CACNA2D1: variants seen among roughly 807,000 people sequenced by gnomAD.
CACNA2D1 encodes the protein voltage-dependent calcium channel subunit alpha-2/delta-1.
A neutral mutation model predicts 171.5 loss-of-function variants in CACNA2D1; 53 were observed. That is an observed-to-expected ratio of 0.31 (90% CI 0.25 to 0.39). The LOEUF (loss-of-function observed/expected upper bound fraction) is 0.39. CACNA2D1 is among the 10% of genes least tolerant of loss of function. The pLI, the probability that CACNA2D1 is intolerant of heterozygous loss-of-function variation, is 1.00. For synonymous variants in CACNA2D1, 442 were observed against 443.1 expected, an observed-to-expected ratio of 1.00 and a Z score of 0.03; for missense variants, 903 against 1,299.8, an observed-to-expected ratio of 0.69 and a Z score of 4.69.
At chr7:82,407,657 GAGAA>G (rs1470681091) in intron 1 of CACNA2D1, among the ~76,000 whole-genome samples, 2 of 152,088 alleles carry the variant, frequency 1.3e-5, no homozygotes, top group Non-Finnish European at 2.9e-5. Flanking sequence ...ATTTAGGTGG[GAGAA>G]AGATAAATAA....
intron 12 of CACNA2D1, among the ~76,000 whole-genome samples, chr7:82,019,490 A>C (rs1451052328): frequency 6.6e-6 from 1 of 152,162 alleles, no homozygotes; most frequent in Non-Finnish European, 1.5e-5. Context: ...ATTTGAGAAG[A>C]CTTTTAAGTA....
At chr7:82,406,238 C>T (rs545550387) in intron 1 of CACNA2D1, among the ~76,000 whole-genome samples, 1 of 152,290 alleles carries the variant, frequency 6.6e-6, no homozygotes, top group African/African-American at 2.4e-5. Context: ...TTTTTTATGG[C>T]TGCATAGTAT....
chr7:82,428,027 T>C (rs1028914229), intron 1 of CACNA2D1, among the ~76,000 whole-genome samples: 4 of 151,616 alleles, frequency 2.6e-5, no homozygotes, highest in Non-Finnish European at 5.9e-5. Context: ...CAAGACTCCG[T>C]CTCTCCAAAA....
At chr7:81,951,383 C>G (rs1016166167) in intron 38 of CACNA2D1, among the ~76,000 whole-genome samples, 2 of 151,922 alleles carry the variant, frequency 1.3e-5, no homozygotes, top group Non-Finnish European at 2.9e-5. Context: ...TTTTGGGGAA[C>G]AGGTGGTTTT....
intron 3 of CACNA2D1, among the ~76,000 whole-genome samples, chr7:82,220,710 T>C (rs774746277): frequency 5.3e-5 from 8 of 151,912 alleles, no homozygotes; most frequent in Non-Finnish European, 1.0e-4. Flanking sequence ...CCATTGCAGA[T>C]AGTGCTGGAA....
At chr7:82,309,508 G>A (rs1022601383) in intron 3 of CACNA2D1, among the ~76,000 whole-genome samples, 2 of 151,974 alleles carry the variant, frequency 1.3e-5, no homozygotes, top group Non-Finnish European at 2.9e-5. Context: ...GTAATTTAAG[G>A]TGTCTGAGCT....
intron 6 of CACNA2D1, among the ~76,000 whole-genome samples, chr7:82,106,896 C>T (rs767443440): frequency 2.0e-5 from 3 of 152,110 alleles, no homozygotes; most frequent in Admixed American, 1.3e-4. Flanking sequence ...AGATAGAAAA[C>T]ATGGGTTCAA....
chr7:82,025,590 C>A (rs1414916498), intron 12 of CACNA2D1, among the ~76,000 whole-genome samples: 1 of 151,610 alleles, frequency 6.6e-6, no homozygotes, highest in Non-Finnish European at 1.5e-5. Context: ...ATCATGTCAT[C>A]TGCAAAAGGA....
chr7:82,038,166 C>G lies in CACNA2D1; in HGVS notation c.949G>C (p.Val317Leu), dbSNP rs1390422209. ...LVQANVRNKK[V>L]LKDAVNNITA... Reference sequence around the variant, plus strand: ...ATATTATTCACCGCGTCTTTCAACACTTTTTTATTTCTTACATTTGCTTGG... The same window carrying G: ...ATATTATTCACCGCGTCTTTCAACAGTTTTTTATTTCTTACATTTGCTTGG... The change falls in exon 11 of 39, where the codon GTG (valine) becomes CTG (leucine). Residue 317 changes from valine to leucine, a missense_variant. Coordinates refer to ENST00000356860, the MANE Select transcript of CACNA2D1 (RefSeq NM_000722.4). 3 of 1,613,610 alleles carry G rather than the reference C, an allele frequency of 1.9e-6. No homozygotes were observed. Among genetic ancestry groups the G allele is most frequent in the Non-Finnish European group, 2.5e-6 (3 of 1,179,792 alleles).
intron 1 of CACNA2D1, among the ~76,000 whole-genome samples, chr7:82,411,817 G>T (rs1444457951): frequency 2.0e-5 from 3 of 149,958 alleles, no homozygotes; most frequent in Non-Finnish European, 4.4e-5. Context: ...TTGCTGAGAA[G>T]TAAAAAAAAA....
chr7:82,075,536 A>C (rs1218700847), intron 7 of CACNA2D1, among the ~76,000 whole-genome samples: 1 of 152,198 alleles, frequency 6.6e-6, no homozygotes, highest in East Asian at 1.9e-4. Flanking sequence ...CAAAAACGTG[A>C]AGTCTGACAG....
At chr7:81,988,518 A>T (rs2299159) in intron 21 of CACNA2D1, among the ~76,000 whole-genome samples, 26,953 of 152,056 alleles carry the variant, frequency 0.18, 2,603 homozygotes, top group African/African-American at 0.25. Context: ...AGGCTCCCAT[A>T]AAAGCTTATG....
At chr7:82,131,714 T>G (rs978771416) in intron 5 of CACNA2D1, among the ~76,000 whole-genome samples, 2 of 152,136 alleles carry the variant, frequency 1.3e-5, no homozygotes, top group African/African-American at 4.8e-5. Context: ...AAATTTTTAA[T>G]GAAGAATATG....
chr7:82,131,557 C>T (rs905318416), intron 5 of CACNA2D1, among the ~76,000 whole-genome samples: 5 of 152,136 alleles, frequency 3.3e-5, no homozygotes, highest in African/African-American at 9.7e-5. Flanking sequence ...CAACAGCCCT[C>T]GGATATTAAT....
intron 4 of CACNA2D1, among the ~76,000 whole-genome samples, chr7:82,150,909 T>C (rs1431967701): frequency 1.3e-5 from 2 of 152,148 alleles, no homozygotes; most frequent in African/African-American, 4.8e-5. Flanking sequence ...GAATAATATA[T>C]AATTGCTTGG....
At position 81,974,478 on chromosome 7, in the gene CACNA2D1, C is replaced by T. The variant is rs1479407180; in HGVS notation, c.2030G>A (p.Arg677Lys). ...FLLNFNEFID[R>K]KTPNNPSCNA... ...ACATGATGGGTTGTTTGGAGTTTTT[C>T]TATCAATAAACTCGTTGAAATTTAA... is the stretch of plus-strand genomic sequence containing the variant. Residue 677 changes from arginine (R) to lysine (K), a missense_variant, in exon 25 of 39, where the codon AGA becomes AAA. Arg to Lys is a conservative substitution (Grantham distance 26). Around this residue, in one of 5 missense-constraint regions of CACNA2D1, gnomAD observed 623 missense variants for 925.5 expected, o/e 0.67. Transcript: ENST00000356860. 3 of 1,556,288 alleles carry T rather than the reference C, an allele frequency of 1.9e-6. No individual in the cohort carries two copies. The highest frequency in any genetic ancestry group is 2.7e-6 in the Non-Finnish European group (3 of 1,129,212).
chr7:82,319,576 A>C (rs1815556584), intron 3 of CACNA2D1, among the ~76,000 whole-genome samples: 1 of 152,200 alleles, frequency 6.6e-6, no homozygotes, highest in South Asian at 2.1e-4. Context: ...TTTTTTGTTT[A>C]AGAACCACAT....
chr7:82,184,958 TG>T (rs1394483665), intron 3 of CACNA2D1, among the ~76,000 whole-genome samples: 3 of 152,164 alleles, frequency 2.0e-5, no homozygotes, highest in African/African-American at 7.2e-5. Flanking sequence ...AGTAAACAGA[TG>T]TTATCGAGCT....
At chr7:82,222,564 A>G (rs1168385064) in intron 3 of CACNA2D1, among the ~76,000 whole-genome samples, 1 of 152,186 alleles carries the variant, frequency 6.6e-6, no homozygotes, top group Non-Finnish European at 1.5e-5. Context: ...TAATTGTAAC[A>G]GAAGAGCTAT....
Sources: allele counts gnomAD v4.1 joint callset (sites outside exome capture counted in the v4.1 genomes callset), GRCh38; gene constraint gnomAD v4.1.1; regional missense constraint gnomAD v4.1.1; transcripts MANE v1.5; gene names NCBI Gene and HGNC (gene_info 2026-07-23, HGNC 2026-07-21).